NIBAN1: variants seen among roughly 807,000 people sequenced by gnomAD.
NIBAN1 encodes the protein niban apoptosis regulator 1, also known as protein Niban 1.
NIBAN1 carries 81 observed loss-of-function variants against 75.1 expected under a neutral mutation model. The observed-to-expected ratio is 1.08, with a 90% CI of 0.90 to 1.30. NIBAN1 has a LOEUF of 1.30. Ranked by LOEUF, NIBAN1 falls within the 50% of genes most tolerant of loss-of-function variation. The pLI is 0.00. For synonymous variants in NIBAN1, 436 were observed against 424.8 expected, an observed-to-expected ratio of 1.03 and a Z score of -0.32; for missense variants, 1,133 against 1,128.1, an observed-to-expected ratio of 1.00 and a Z score of -0.06.
At chr1:184,866,686 A>C (rs1363027719) in intron 5 of NIBAN1, among the ~76,000 whole-genome samples, 1 of 152,188 alleles carries the variant, frequency 6.6e-6, no homozygotes, top group East Asian at 1.9e-4. Context: ...TACTGTGTTC[A>C]TTTAAAGCCA....
chr1:184,971,321 A>G (rs1443808724), intron 1 of NIBAN1, among the ~76,000 whole-genome samples: 1 of 151,810 alleles, frequency 6.6e-6, no homozygotes, highest in African/African-American at 2.4e-5. Flanking sequence ...GCATAAAGAG[A>G]GAAGAGCACC....
chr1:184,942,226 T>C (rs748854645), intron 1 of NIBAN1, among the ~76,000 whole-genome samples: 22 of 152,228 alleles, frequency 1.4e-4, no homozygotes, highest in Non-Finnish European at 1.8e-4. Context: ...TAATAAACTA[T>C]CAGAAAAAGA....
intron 1 of NIBAN1, among the ~76,000 whole-genome samples, chr1:184,937,749 T>G (rs1202354199): frequency 6.6e-6 from 1 of 152,226 alleles, no homozygotes; most frequent in Non-Finnish European, 1.5e-5. Context: ...CCACTGATTT[T>G]CTTACTGTGT....
chr1:184,827,575 A>G (rs866860489), intron 6 of NIBAN1, among the ~76,000 whole-genome samples: 1 of 18,780 alleles, frequency 5.3e-5, no homozygotes, highest in Non-Finnish European at 1.2e-4. Context: ...TTTTTTTTTT[A>G]ATGGGGGGTG....
chr1:184,965,051 G>A (rs1230167938), intron 1 of NIBAN1, among the ~76,000 whole-genome samples: 1 of 152,214 alleles, frequency 6.6e-6, no homozygotes, highest in Non-Finnish European at 1.5e-5. Context: ...TGTAATCCCA[G>A]CACTTTGGGA....
chr1:184,903,010 C>A (rs1002211555), intron 1 of NIBAN1, among the ~76,000 whole-genome samples: 1 of 152,186 alleles, frequency 6.6e-6, no homozygotes, highest in Non-Finnish European at 1.5e-5. Context: ...CCCACAGGGG[C>A]CACACAAAAT....
chr1:184,861,066 AT>A (rs1655803316), intron 5 of NIBAN1, among the ~76,000 whole-genome samples: 1 of 152,250 alleles, frequency 6.6e-6, no homozygotes, highest in Non-Finnish European at 1.5e-5. Flanking sequence ...AAAAGGCAAA[AT>A]AGTAAACATT....
intron 5 of NIBAN1, among the ~76,000 whole-genome samples, chr1:184,871,789 G>A (rs1257200851): frequency 2.0e-5 from 3 of 152,122 alleles, no homozygotes; most frequent in African/African-American, 4.8e-5. Flanking sequence ...ACATACACAC[G>A]GTCTTAGCCC....
chr1:184,924,336 T>G (rs1657632680), intron 1 of NIBAN1, among the ~76,000 whole-genome samples: 1 of 152,240 alleles, frequency 6.6e-6, no homozygotes, highest in Non-Finnish European at 1.5e-5. Flanking sequence ...GTTGATATGA[T>G]GTATCACATT....
At chr1:184,897,494 C>A (rs1192449532) in intron 2 of NIBAN1, among the ~76,000 whole-genome samples, 1 of 152,074 alleles carries the variant, frequency 6.6e-6, no homozygotes, top group Non-Finnish European at 1.5e-5. Flanking sequence ...GCTGAAGGGG[C>A]CAGTGTACTG....
chr1:184,838,416 G>T (rs1655195755), intron 5 of NIBAN1, among the ~76,000 whole-genome samples: 1 of 152,174 alleles, frequency 6.6e-6, no homozygotes, highest in African/African-American at 2.4e-5. Flanking sequence ...AGTGAGGAAA[G>T]AGCCCTGAGA....
intron 6 of NIBAN1, among the ~76,000 whole-genome samples, chr1:184,830,504 A>G (rs1654968097): frequency 6.6e-6 from 1 of 152,162 alleles, no homozygotes; most frequent in Non-Finnish European, 1.5e-5. Context: ...AAAAAAAAAG[A>G]GAGAGAGAGA....
At chr1:184,883,644 C>T (rs984174104) in intron 5 of NIBAN1, among the ~76,000 whole-genome samples, 1 of 152,200 alleles carries the variant, frequency 6.6e-6, no homozygotes, top group African/African-American at 2.4e-5. Flanking sequence ...GAAGCAACAC[C>T]ACCCCAAGGG....
At chr1:184,902,607 C>G (rs966320421) in intron 1 of NIBAN1, among the ~76,000 whole-genome samples, 1 of 152,222 alleles carries the variant, frequency 6.6e-6, no homozygotes, top group Non-Finnish European at 1.5e-5. Context: ...AACTCTTGCA[C>G]TAGGGCCATC....
intron 1 of NIBAN1, among the ~76,000 whole-genome samples, chr1:184,927,594 T>A (rs115734794): frequency 7.9e-5 from 12 of 152,228 alleles, no homozygotes; most frequent in African/African-American, 2.9e-4. Flanking sequence ...CTATACTTGG[T>A]CAGACCGGAA....
intron 5 of NIBAN1, among the ~76,000 whole-genome samples, chr1:184,874,548 T>A (rs1656185669): frequency 6.6e-6 from 1 of 152,082 alleles, no homozygotes; most frequent in African/African-American, 2.4e-5. Flanking sequence ...ATTCTAAGCA[T>A]GAATCTATCT....
At chr1:184,967,372 A>G (rs1658823009) in intron 1 of NIBAN1, among the ~76,000 whole-genome samples, 1 of 151,910 alleles carries the variant, frequency 6.6e-6, no homozygotes, top group Non-Finnish European at 1.5e-5. Context: ...TTCATTTCCC[A>G]TTTCACAGTG....
At chr1:184,854,049 A>G (rs1384234670) in intron 5 of NIBAN1, among the ~76,000 whole-genome samples, 1 of 152,240 alleles carries the variant, frequency 6.6e-6, no homozygotes. Context: ...TGTGATCAAT[A>G]TAAAAATTAT....
At chr1:184,870,099 G>C (rs1165638720) in intron 5 of NIBAN1, among the ~76,000 whole-genome samples, 1 of 152,082 alleles carries the variant, frequency 6.6e-6, no homozygotes, top group East Asian at 1.9e-4. Flanking sequence ...ATAATGCCAG[G>C]GACTCTGAAA....
Sources: gnomAD v4.1 joint callset for allele counts (sites outside exome capture counted in the v4.1 genomes callset) on GRCh38, gnomAD v4.1.1 for gene constraint, MANE v1.5 for transcripts, NCBI Gene and HGNC (gene_info 2026-07-23, HGNC 2026-07-21) for gene names.